LIN28B: variants seen among roughly 807,000 people sequenced by gnomAD.
LIN28B encodes the protein lin-28 RNA binding posttranscriptional regulator B, also known as protein lin-28 homolog B.
In LIN28B, 5 loss-of-function variants were observed where a neutral mutation model predicts 21.9. The ratio of observed to expected loss-of-function variants is 0.23; its 90% CI spans 0.12 to 0.48. The LOEUF is 0.48. Ranked by LOEUF, LIN28B falls within the 20% of genes least tolerant of loss-of-function variation. LIN28B has a pLI of 0.98. For synonymous variants in LIN28B, 109 were observed against 111.3 expected, an observed-to-expected ratio of 0.98 and a Z score of 0.13; for missense variants, 245 against 310.5, an observed-to-expected ratio of 0.79 and a Z score of 1.58.
intron 3 of LIN28B, among the ~76,000 whole-genome samples, chr6:105,056,832 A>T (rs1457150035): frequency 2.6e-5 from 4 of 152,074 alleles, no homozygotes; most frequent in Non-Finnish European, 4.4e-5. Context: ...CTTGTGTTTC[A>T]TTGTCTTCTT....
intron 2 of LIN28B, among the ~76,000 whole-genome samples, chr6:105,026,063 A>G (rs1181462775): frequency 6.6e-6 from 1 of 152,182 alleles, no homozygotes; most frequent in African/African-American, 2.4e-5. Flanking sequence ...GACAAAGAAT[A>G]TGCACATTTT....
chr6:105,008,146 C>A (rs1306034383), intron 2 of LIN28B, among the ~76,000 whole-genome samples: 10 of 152,156 alleles, frequency 6.6e-5, no homozygotes, highest in Admixed American at 6.6e-4. Context: ...GTTTTCCCCT[C>A]ATATTCAATA....
At chr6:105,058,802 T>C (rs1371685785) in intron 3 of LIN28B, among the ~76,000 whole-genome samples, 1 of 152,214 alleles carries the variant, frequency 6.6e-6, no homozygotes, top group East Asian at 1.9e-4. Context: ...CTTTTTAAAA[T>C]TTGCACTTTT....
At chr6:105,026,225 A>G (rs1771284713) in intron 2 of LIN28B, 73 bp from the exon 3 acceptor site, 2 of 773,676 alleles carry the variant, frequency 2.6e-6, no homozygotes, top group African/African-American at 1.8e-5. Flanking sequence ...TTTTAAAATT[A>G]TAGAGATAAT....
chr6:105,037,501 C>T (rs1192772073), intron 3 of LIN28B, among the ~76,000 whole-genome samples: 1 of 143,090 alleles, frequency 7.0e-6, no homozygotes, highest in Admixed American at 7.0e-5. Flanking sequence ...TCCCCCTCCT[C>T]CCCGCTCCCT....
intron 3 of LIN28B, among the ~76,000 whole-genome samples, chr6:105,068,117 G>C (rs936865911): frequency 6.6e-6 from 1 of 152,108 alleles, no homozygotes. Context: ...TGAGATAGTT[G>C]ATGGCATTAA....
At chr6:105,058,490 C>CTGGTTG (rs1772065517) in intron 3 of LIN28B, among the ~76,000 whole-genome samples, 1 of 152,178 alleles carries the variant, frequency 6.6e-6, no homozygotes, top group Non-Finnish European at 1.5e-5. Flanking sequence ...AAGATGAAAG[C>CTGGTTG]TTCAGATTGT....
chr6:104,943,120 ATAG>A (rs371582590), intron 2 of LIN28B, among the ~76,000 whole-genome samples: 118 of 152,304 alleles, frequency 7.7e-4, no homozygotes, highest in African/African-American at 2.6e-3. Flanking sequence ...GAGATTTAAA[ATAG>A]TAGTGCTCAA....
chr6:105,051,932 A>T (rs1267896787), intron 3 of LIN28B, among the ~76,000 whole-genome samples: 1 of 152,232 alleles, frequency 6.6e-6, no homozygotes, highest in African/African-American at 2.4e-5. Context: ...AGGTAGTGAT[A>T]AATGCTGTGA....
intron 2 of LIN28B, among the ~76,000 whole-genome samples, chr6:104,963,293 A>G (rs992584899): frequency 2.6e-5 from 4 of 151,948 alleles, no homozygotes; most frequent in African/African-American, 9.7e-5. Context: ...TGATCCACCC[A>G]CCTCGGCCTC....
At chr6:104,968,989 C>T (rs368033854) in intron 2 of LIN28B, among the ~76,000 whole-genome samples, 1 of 152,158 alleles carries the variant, frequency 6.6e-6, no homozygotes, top group Non-Finnish European at 1.5e-5. Flanking sequence ...TATATAAGCA[C>T]TGATCCTTCC....
upstream of LIN28B, among the ~76,000 whole-genome samples, chr6:104,955,424 A>G (rs535559145): frequency 2.6e-5 from 4 of 152,342 alleles, no homozygotes; most frequent in Admixed American, 2.0e-4. Flanking sequence ...GACAAAAAAA[A>G]AAATCTTTCC....
chr6:104,941,470 G>C (rs1483144720), intron 2 of LIN28B: 1 of 149,812 alleles, frequency 6.7e-6, no homozygotes, highest in Non-Finnish European at 1.5e-5. Flanking sequence ...CAGGGCGGGG[G>C]CGCAGGCCAC....
chr6:105,047,134 G>C (rs1162369285), intron 3 of LIN28B, among the ~76,000 whole-genome samples: 1 of 151,976 alleles, frequency 6.6e-6, no homozygotes, highest in Non-Finnish European at 1.5e-5. Context: ...TTTCTTCTAG[G>C]GTTTTTATGG....
chr6:104,943,921 C>T (rs1368564672), intron 2 of LIN28B, among the ~76,000 whole-genome samples: 1 of 152,074 alleles, frequency 6.6e-6, no homozygotes, highest in Non-Finnish European at 1.5e-5. Flanking sequence ...GAGAAACTTG[C>T]CCACCATGTA....
chr6:105,002,579 A>G (rs540647447), intron 2 of LIN28B, among the ~76,000 whole-genome samples: 3 of 152,364 alleles, frequency 2.0e-5, no homozygotes, highest in African/African-American at 7.2e-5. Flanking sequence ...CAGTAGTCAC[A>G]TGACTAGTTA....
chr6:104,966,250 T>C, intron 2 of LIN28B, among the ~76,000 whole-genome samples: 1 of 152,226 alleles, frequency 6.6e-6, no homozygotes, highest in East Asian at 1.9e-4. Context: ...TTATAACTTT[T>C]GGCTGGTCAC....
rs533441264 is a variant in LIN28B, at chr6:104,937,375, C to T, written c.18+259C>T. ...CGCAGTCTCGGCTCGCTGCAACCTCCGCCTCCCGGCTGTCTGCTGAGTACC... is the reference window on the plus strand; with the variant it reads ...CGCAGTCTCGGCTCGCTGCAACCTCTGCCTCCCGGCTGTCTGCTGAGTACC... On this transcript the variant is annotated intron_variant, in intron 2 of 5. Coordinates refer to the LIN28B transcript ENST00000635857. Among the ~76,000 whole-genome samples, 89 of 152,254 alleles carry T rather than the reference C, an allele frequency of 5.8e-4. No homozygotes were observed. The South Asian group carries it at 0.017, about 29-fold the overall frequency.
intron 3 of LIN28B, among the ~76,000 whole-genome samples, chr6:105,060,049 A>T (rs868552157): frequency 6.6e-5 from 10 of 151,972 alleles, no homozygotes; most frequent in Middle Eastern, 3.4e-3. Context: ...GATTACAGAC[A>T]TGCACCACCA....
Sources: allele counts gnomAD v4.1 joint callset (sites outside exome capture counted in the v4.1 genomes callset), GRCh38; gene constraint gnomAD v4.1.1; transcripts MANE v1.5; gene names NCBI Gene and HGNC (gene_info 2026-07-23, HGNC 2026-07-21).